Variants in RAB11FIP2 observed in about 807,000 individuals in gnomAD.
RAB11FIP2 encodes the protein RAB11 family interacting protein 2.
In RAB11FIP2, 16 loss-of-function variants were observed where a neutral mutation model predicts 40.9. That is an observed-to-expected ratio of 0.39 (90% CI 0.26 to 0.59). RAB11FIP2 has a LOEUF of 0.59. RAB11FIP2 is among the 20% of genes least tolerant of loss of function. RAB11FIP2 has a pLI of 0.53. For synonymous variants in RAB11FIP2, 228 were observed against 213.7 expected (o/e 1.07, Z -0.58); for missense variants, 532 against 606.2 (o/e 0.88, Z 1.28).
In RAB11FIP2 at chr10:118,005,704, T is replaced by C. The variant is rs1846083460; in HGVS notation, c.*3294A>G. ...TCTTCTGAAAAGCTACAGAGGAAAA[T>C]AAAAGCTCTAGTGTAACATTTACTG... On this transcript the variant is annotated 3_prime_UTR_variant, in exon 5 of 5. Coordinates refer to ENST00000355624, the MANE Select transcript of RAB11FIP2 (RefSeq NM_014904.3). The C allele has an allele frequency of 6.6e-6, 1 of 151,932 alleles. No homozygotes were observed. The highest frequency in any genetic ancestry group is 2.1e-4 in the South Asian group (1 of 4,828). The allele number at this position is 151,932 out of a possible 1,614,324, so 9.4% of individuals were successfully genotyped here. A position where few individuals can be genotyped will look rare whatever the true frequency, so the allele number is the denominator to read the frequency against.
rs1846087263 is a variant in RAB11FIP2 at position 118,006,045 on chromosome 10, G to A, written c.*2953C>T. The stretch of plus-strand genomic sequence containing the variant: ...CATTCAGGGGACAATGGCAAAACTA[G>A]GCTCAATGCAGAACATAGCAGCAAA... On this transcript the variant is annotated 3_prime_UTR_variant, in exon 5 of 5. Coordinates refer to ENST00000355624, the MANE Select transcript of RAB11FIP2 (RefSeq NM_014904.3). 1 of 152,486 alleles carries A rather than the reference G, an allele frequency of 6.6e-6. No individual in the cohort carries two copies. The highest frequency in any genetic ancestry group is 1.5e-5 in the Non-Finnish European group (1 of 68,012). The allele number at this position is 152,486 out of a possible 1,614,324, so 9.4% of individuals were successfully genotyped here. A position where few individuals can be genotyped will look rare whatever the true frequency, so the allele number is the denominator to read the frequency against.
chr10:118,024,335 T>C (rs1328760056), intron 3 of RAB11FIP2, among the ~76,000 whole-genome samples: 2 of 152,106 alleles, frequency 1.3e-5, no homozygotes, highest in African/African-American at 4.8e-5. Context: ...ATCATGTGTC[T>C]CTTGATATAA....
At chr10:118,034,871 A>G (rs963608157) in intron 3 of RAB11FIP2, among the ~76,000 whole-genome samples, 2 of 152,158 alleles carry the variant, frequency 1.3e-5, no homozygotes, top group Admixed American at 6.5e-5. Context: ...CTTAGTAGCA[A>G]GCTGATTAGG....
Position 118,038,982 on chromosome 10 carries a change from G to T in RAB11FIP2, c.1255C>A (p.Pro419Thr). 3 of 1,589,222 alleles carry T rather than the reference G, an allele frequency of 1.9e-6. No homozygotes were observed. The highest frequency in any genetic ancestry group is 2.6e-6 in the Non-Finnish European group (3 of 1,168,850). Residue 419 changes from proline (P) to threonine (T), a missense_variant, in exon 3 of 5, where the codon CCA becomes ACA. Pro to Thr is a conservative substitution (Grantham distance 38, BLOSUM62 -1). Coordinates refer to ENST00000355624, the MANE Select transcript of RAB11FIP2 (RefSeq NM_014904.3). ...CCATATTAAGCTTACCTTGAAGATG[G>T]CATTATATTTGAAGCCCTGAATTTT... ...TAKFRASNIM[P>T]SSSFHMSPTS...
At chr10:118,020,287 C>T (rs917731250) in intron 3 of RAB11FIP2, among the ~76,000 whole-genome samples, 10 of 152,170 alleles carry the variant, frequency 6.6e-5, no homozygotes, top group African/African-American at 2.2e-4. Context: ...TGGCTGGTTT[C>T]AATGAGTCCA....
chr10:118,023,429 C>T (rs934115151), intron 3 of RAB11FIP2, among the ~76,000 whole-genome samples: 1 of 151,962 alleles, frequency 6.6e-6, no homozygotes, highest in East Asian at 1.9e-4. Context: ...AAACTCAGTA[C>T]CAAATCAAAT....
At chr10:118,013,140 T>C (rs974774368) in intron 4 of RAB11FIP2, among the ~76,000 whole-genome samples, 26 of 152,012 alleles carry the variant, frequency 1.7e-4, no homozygotes, top group Non-Finnish European at 4.4e-5. Context: ...TCAAAATAAC[T>C]GAAGATTTAA....
chr10:118,039,561 C>A, intron 2 of RAB11FIP2, 121 bp from the exon 3 acceptor site: 2 of 840,348 alleles, frequency 2.4e-6, no homozygotes, highest in Non-Finnish European at 3.6e-6. Context: ...AATGTATTAA[C>A]CTTCAAAAAA....
intron 1 of RAB11FIP2, 94 bp downstream of exon 1, chr10:118,045,704 TTCAATCCAAAAAC>T: frequency 1.1e-6 from 1 of 898,914 alleles, no homozygotes; most frequent in East Asian, 2.7e-5. Context: ...TGGATCATAT[TTCAATCCAAAAAC>T]CAACGCCCGA....
chr10:118,014,222 T>C (rs559161801), intron 4 of RAB11FIP2, among the ~76,000 whole-genome samples: 4 of 151,766 alleles, frequency 2.6e-5, no homozygotes, highest in East Asian at 1.9e-4. Flanking sequence ...TGATATGTGA[T>C]ATGGGATTGC....
intron 3 of RAB11FIP2, among the ~76,000 whole-genome samples, chr10:118,026,992 GT>G (rs373316208): frequency 8.6e-5 from 13 of 151,256 alleles, no homozygotes; most frequent in African/African-American, 2.4e-4. Flanking sequence ...TTTTATTTAA[GT>G]TTTTTTTTAA....
In RAB11FIP2 at chr10:118,040,472, T is replaced by C. The variant is rs1589648452; in HGVS notation, c.447A>G (p.Ala149=). The change falls in exon 2 of 5, where the codon GCA becomes GCG. Residue 149 remains alanine (A), a synonymous_variant. Coordinates refer to ENST00000355624, the MANE Select transcript of RAB11FIP2 (RefSeq NM_014904.3). ...NIQFMRNNMT[A]SMFDLSMKDK... ...CCTTCATTGATAAGTCAAACATACTTGCGGTCATATTGTTCCTCATAAACT... is the reference window on the plus strand; with the variant it reads ...CCTTCATTGATAAGTCAAACATACTCGCGGTCATATTGTTCCTCATAAACT... 6.2e-7 allele frequency: 1 copy of C among 1,613,078 alleles called. No homozygotes were observed. The highest frequency in any genetic ancestry group is 8.5e-7 in the Non-Finnish European group (1 of 1,179,186).
chr10:118,022,236 T>A (rs963371997), intron 3 of RAB11FIP2, among the ~76,000 whole-genome samples: 2 of 152,198 alleles, frequency 1.3e-5, no homozygotes, highest in African/African-American at 4.8e-5. Flanking sequence ...TCCCTGCTCA[T>A]TTTTACTGCT....
chr10:118,017,045 T>C (rs1044152017), intron 3 of RAB11FIP2, among the ~76,000 whole-genome samples: 1 of 152,250 alleles, frequency 6.6e-6, no homozygotes, highest in Non-Finnish European at 1.5e-5. Context: ...TTAATCTTCA[T>C]GATCCTTACG....
intron 3 of RAB11FIP2, among the ~76,000 whole-genome samples, chr10:118,025,566 T>A (rs1287367661): frequency 6.6e-6 from 1 of 152,258 alleles, no homozygotes; most frequent in East Asian, 1.9e-4. Flanking sequence ...CACTGTTCTC[T>A]GAGTTTTCCT....
intron 3 of RAB11FIP2, among the ~76,000 whole-genome samples, chr10:118,032,679 C>A (rs2133176915): frequency 6.6e-6 from 1 of 152,216 alleles, no homozygotes; most frequent in Middle Eastern, 3.4e-3. Flanking sequence ...TTCAGTTAAC[C>A]ACCATAGTCC....
chr10:118,011,017 G>T (rs1184560739), intron 4 of RAB11FIP2, among the ~76,000 whole-genome samples: 1 of 151,848 alleles, frequency 6.6e-6, no homozygotes, highest in South Asian at 2.1e-4. Context: ...GCCACTGAAG[G>T]TTTCTAAACA....
In RAB11FIP2 at chr10:118,039,220, A is replaced by G. The variant is rs778128208; in HGVS notation, c.1017T>C (p.Phe339=). 1.4e-5 allele frequency: 23 copies of G among 1,613,574 alleles called. No individual in the cohort carries two copies. The highest frequency in any genetic ancestry group is 1.9e-5 in the Non-Finnish European group (23 of 1,179,770). The change falls in exon 3 of 5, where the codon TTT becomes TTC. Residue 339 remains phenylalanine (F), a synonymous_variant. Transcript: ENST00000355624. ...SETWDSSMNL[F]SKPIEIRKEN... is the part of the protein sequence containing the mutation. ...CTTTTCTTATTTCAATTGGTTTTGA[A>G]AATAAATTCATGCTGCTGTCCCATG...
At position 118,004,947 on chromosome 10, in the gene RAB11FIP2, CAAT is replaced by C. The variant is rs919887850; in HGVS notation, c.*4048_*4050del. On this transcript the variant is annotated 3_prime_UTR_variant, in exon 5 of 5. Transcript: ENST00000355624. Reference sequence around the variant, plus strand: ...TTAAACACTTTAATCAACTATAAGTCAATAATCATATATTATATAAAAATTCTG... The same window carrying C: ...TTAAACACTTTAATCAACTATAAGTCAATCATATATTATATAAAAATTCTG... The C allele has an allele frequency of 6.6e-6, 1 of 152,500 alleles. No individual in the cohort carries two copies. Among genetic ancestry groups the C allele is most frequent in the African/African-American group, 2.4e-5 (1 of 41,414 alleles). 9.4% of individuals were successfully genotyped at this position (152,500 alleles called of 1,614,324 possible). A position where few individuals can be genotyped will look rare whatever the true frequency, so the allele number is the denominator to read the frequency against.
Sources: gnomAD v4.1 joint callset for allele counts (sites outside exome capture counted in the v4.1 genomes callset) on GRCh38, gnomAD v4.1.1 for gene constraint, MANE v1.5 for transcripts, NCBI Gene and HGNC (gene_info 2026-07-23, HGNC 2026-07-21) for gene names.